The following SLK variants were observed in gnomAD, a reference collection of about 807,000 sequenced individuals.
SLK encodes STE20-like serine/threonine-protein kinase.
A neutral mutation model predicts 147.7 loss-of-function variants in SLK; 67 were observed. The observed-to-expected ratio is 0.45, with a 90% CI of 0.37 to 0.56. The LOEUF is 0.56. Ranked by LOEUF, SLK falls within the 20% of genes least tolerant of loss-of-function variation. The probability of loss-of-function intolerance (pLI) is 0.00; values close to 1 mark genes in which losing one functional copy is unlikely to be tolerated. For synonymous variants in SLK, 441 were observed against 475.0 expected, an observed-to-expected ratio of 0.93 and a Z score of 0.93; for missense variants, 1,136 against 1,438.8, an observed-to-expected ratio of 0.79 and a Z score of 3.41.
At chr10:103,988,694 T>C (rs1051038504) in intron 1 of SLK, among the ~76,000 whole-genome samples, 2 of 152,186 alleles carry the variant, frequency 1.3e-5, no homozygotes, top group Non-Finnish European at 2.9e-5. Flanking sequence ...TAATATATCA[T>C]GGGGTTGTTG....
intron 1 of SLK, among the ~76,000 whole-genome samples, chr10:103,982,330 A>G (rs1193196001): frequency 6.6e-6 from 1 of 152,186 alleles, no homozygotes; most frequent in African/African-American, 2.4e-5. Flanking sequence ...TAAGCAGGAA[A>G]ACTGTGTGAT....
chr10:103,986,741 C>T (rs1023755488), intron 1 of SLK, among the ~76,000 whole-genome samples: 2 of 146,792 alleles, frequency 1.4e-5, no homozygotes, highest in Non-Finnish European at 3.0e-5. Context: ...TGCAATGGCA[C>T]GATCTCGGCT....
At chr10:103,993,785 G>A (rs1249148615) in intron 4 of SLK, among the ~76,000 whole-genome samples, 1 of 152,168 alleles carries the variant, frequency 6.6e-6, no homozygotes, top group East Asian at 1.9e-4. Flanking sequence ...GTATATTTTG[G>A]AAGGCTATTC....
Position 104,003,303 on chromosome 10 carries a change from C to T in SLK, c.2125C>T (p.Leu709=). 1 of 1,613,938 alleles carries T rather than the reference C, an allele frequency of 6.2e-7. No individual in the cohort carries two copies. Among genetic ancestry groups the T allele is most frequent in the Non-Finnish European group, 8.5e-7 (1 of 1,179,828 alleles). ...VSQPTEPQPV[L]IPSININSDS... ...ACAGCCCACTGAACCTCAGCCTGTT[C>T]TAATACCCAGTATTAATATCAACTC... Residue 709 remains leucine, a synonymous_variant, in exon 9 of 19, where the codon CTA becomes TTA. Coordinates refer to ENST00000369755, the MANE Select transcript of SLK (RefSeq NM_014720.4).
At position 103,989,690 on chromosome 10, in the gene SLK, G is replaced by A. The variant is rs1026269404; in HGVS notation, c.151-985G>A. ...TCACCATGTTAGCCAGGATGGTCTC[G>A]ATCTCCTGACTTCGTGATCTGCCTG... On this transcript the variant is annotated intron_variant, in intron 1 of 18. Coordinates refer to ENST00000369755, the MANE Select transcript of SLK (RefSeq NM_014720.4). 3.3e-5 allele frequency among the ~76,000 whole-genome samples: 5 copies of A among 152,050 alleles called. No homozygotes were observed. The South Asian group carries it at 8.3e-4, about 25-fold the overall frequency.
At chr10:103,987,486 A>T (rs1351217947) in intron 1 of SLK, among the ~76,000 whole-genome samples, 5 of 151,514 alleles carry the variant, frequency 3.3e-5, no homozygotes, top group Non-Finnish European at 7.4e-5. Flanking sequence ...TGCTTTGATG[A>T]GTATTTTTGT....
rs1317813843 is a variant in SLK, at chr10:103,967,282, C to T, written c.-464C>T. 6.7e-5 allele frequency: 10 copies of T among 150,098 alleles called. No individual in the cohort carries two copies. Among genetic ancestry groups the T allele is most frequent in the African/African-American group, 1.7e-4 (7 of 41,250 alleles). The allele number at this position is 150,098 out of a possible 1,614,324, so 9.3% of individuals were successfully genotyped here. On this transcript the variant is annotated 5_prime_UTR_variant, in exon 1 of 19. Transcript: ENST00000369755. The stretch of plus-strand genomic sequence containing the variant: ...ACGGCGGCGGAGGAGACCCTAGGCT[C>T]GCGGCCCGAGGCGGGAGGGCTCGGC...
rs1184364177 is a variant in SLK at position 103,967,354 on chromosome 10, G to C, written c.-392G>C. 1 of 150,332 alleles carries C rather than the reference G, an allele frequency of 6.7e-6. No homozygotes were observed. Among genetic ancestry groups the C allele is most frequent in the Non-Finnish European group, 1.5e-5 (1 of 67,374 alleles). The allele number at this position is 150,332 out of a possible 1,614,324, so 9.3% of individuals were successfully genotyped here. A position where few individuals can be genotyped will look rare whatever the true frequency, so the allele number is the denominator to read the frequency against. ...GGCCGCCGGCCGCTTCTCTCTCCCAGAGTGGCCGCCGCCCCTGGAGACTCG... is the reference window on the plus strand; with the variant it reads ...GGCCGCCGGCCGCTTCTCTCTCCCACAGTGGCCGCCGCCCCTGGAGACTCG... On this transcript the variant is annotated 5_prime_UTR_variant, in exon 1 of 19. Coordinates refer to ENST00000369755, the MANE Select transcript of SLK (RefSeq NM_014720.4).
At chr10:103,977,632 A>G (rs1843888206) in intron 1 of SLK, among the ~76,000 whole-genome samples, 1 of 152,124 alleles carries the variant, frequency 6.6e-6, no homozygotes. Flanking sequence ...GCAAACAACT[A>G]TTATCTCTTA....
At chr10:104,024,534 G>A (rs1213333772) in intron 18 of SLK, among the ~76,000 whole-genome samples, 2 of 152,104 alleles carry the variant, frequency 1.3e-5, no homozygotes, top group Non-Finnish European at 2.9e-5. Flanking sequence ...CCAGCTCCTC[G>A]GCTTCCTGCC....
intron 18 of SLK, among the ~76,000 whole-genome samples, chr10:104,023,674 C>G (rs1213094505): frequency 6.6e-6 from 1 of 152,182 alleles, no homozygotes; most frequent in East Asian, 1.9e-4. Context: ...GTCACTGTAT[C>G]TCAGTAGCAC....
chr10:103,985,486 G>T (rs985520457), intron 1 of SLK, among the ~76,000 whole-genome samples: 1 of 152,172 alleles, frequency 6.6e-6, no homozygotes, highest in Non-Finnish European at 1.5e-5. Context: ...TTCTTTTGGT[G>T]GGGGGAAGAA....
intron 11 of SLK, among the ~76,000 whole-genome samples, chr10:104,007,088 T>A (rs1285868484): frequency 2.6e-5 from 4 of 152,122 alleles, no homozygotes. Flanking sequence ...TTAAGAATCT[T>A]AATGTGGAAG....
intron 2 of SLK, 127 bp from the exon 3 acceptor site, chr10:103,992,471 C>G (rs2476952): frequency 2.2e-5 from 18 of 812,278 alleles, no homozygotes; most frequent in Admixed American, 3.2e-5. Flanking sequence ...TTTAGTATAT[C>G]GTTTCCATAA....
chr10:103,993,064 A>G lies in SLK; in HGVS notation c.445A>G (p.Asn149Asp). 1 of 1,610,868 alleles carries G rather than the reference A, an allele frequency of 6.2e-7. No homozygotes were observed. Among genetic ancestry groups the G allele is most frequent in the Non-Finnish European group, 8.5e-7 (1 of 1,177,610 alleles). ...AGATGCATTGAACTACTTACATGATAATAAGATCATCCACAGAGATCTGAA... is the reference window on the plus strand; with the variant it reads ...AGATGCATTGAACTACTTACATGATGATAAGATCATCCACAGAGATCTGAA... ...TLDALNYLHD[N>D]KIIHRDLKAG... Residue 149 changes from asparagine (N) to aspartate (D), a missense_variant, in exon 4 of 19, where the codon AAT becomes GAT. This residue lies in a region of SLK where 141 missense variants were observed against 219.3 expected (regional missense o/e 0.64). Coordinates refer to ENST00000369755, the MANE Select transcript of SLK (RefSeq NM_014720.4).
intron 13 of SLK, among the ~76,000 whole-genome samples, chr10:104,017,928 A>G (rs1162820565): frequency 6.6e-6 from 1 of 152,232 alleles, no homozygotes; most frequent in Non-Finnish European, 1.5e-5. Flanking sequence ...CTTATTCTGT[A>G]TGTATCCTTC....
rs1036853058 is a variant in SLK at position 103,972,520 on chromosome 10, A to G, written c.150+4625A>G. 2.0e-5 allele frequency among the ~76,000 whole-genome samples: 3 copies of G among 152,064 alleles called. No homozygotes were observed. The East Asian group carries it at 5.8e-4, about 29-fold the overall frequency. ...ACCCCGTCTCTACTAAAAATACAAAAAATTAGCCGGGCGTGGTGGCAGGAG... is the reference window on the plus strand; with the variant it reads ...ACCCCGTCTCTACTAAAAATACAAAGAATTAGCCGGGCGTGGTGGCAGGAG... On this transcript the variant is annotated intron_variant, in intron 1 of 18. Coordinates refer to ENST00000369755, the MANE Select transcript of SLK (RefSeq NM_014720.4).
chr10:103,969,658 A>G (rs964088832), intron 1 of SLK, among the ~76,000 whole-genome samples: 2 of 152,214 alleles, frequency 1.3e-5, no homozygotes, highest in South Asian at 4.1e-4. Context: ...TATGGGCTTC[A>G]GCAAGAGCTT....
intron 1 of SLK, among the ~76,000 whole-genome samples, chr10:103,973,481 A>G (rs145943032): frequency 6.0e-4 from 91 of 152,318 alleles, no homozygotes; most frequent in African/African-American, 2.1e-3. Flanking sequence ...TAGGGCTTCT[A>G]TGTACATTTT....
Sources: gnomAD v4.1 joint callset for allele counts (sites outside exome capture counted in the v4.1 genomes callset) on GRCh38, gnomAD v4.1.1 for gene constraint, gnomAD v4.1.1 regional missense constraint, MANE v1.5 for transcripts, NCBI Gene and HGNC (gene_info 2026-07-23, HGNC 2026-07-21) for gene names.